The following ATP8B4 variants were observed in gnomAD, a reference collection of about 807,000 sequenced individuals.
ATP8B4 encodes the protein probable phospholipid-transporting ATPase IM.
In ATP8B4, 133 loss-of-function variants were observed where a neutral mutation model predicts 145.6. The observed-to-expected ratio is 0.91, with a 90% CI of 0.79 to 1.05. The LOEUF (loss-of-function observed/expected upper bound fraction) is 1.05, where lower values mean the gene tolerates loss of function less well. Ranked by LOEUF, ATP8B4 falls within the 50% of genes least tolerant of loss-of-function variation. The probability of loss-of-function intolerance (pLI) is 0.00; values close to 1 mark genes in which losing one functional copy is unlikely to be tolerated. For synonymous variants in ATP8B4, 507 were observed against 492.9 expected, an observed-to-expected ratio of 1.03 and a Z score of -0.38; for missense variants, 1,458 against 1,425.2, an observed-to-expected ratio of 1.02 and a Z score of -0.37.
chr15:50,087,314 TAG>T (rs1199643934), intron 2 of ATP8B4, among the ~76,000 whole-genome samples: 2 of 92,968 alleles, frequency 2.2e-5, no homozygotes, highest in African/African-American at 9.6e-5. Flanking sequence ...TTATATATAA[TAG>T]ATATAGATCT....
At chr15:50,015,669 G>C (rs2049036262) in intron 6 of ATP8B4, among the ~76,000 whole-genome samples, 1 of 152,190 alleles carries the variant, frequency 6.6e-6, no homozygotes, top group African/African-American at 2.4e-5. Flanking sequence ...GACAGCAGCA[G>C]TTTCTGGTTC....
chr15:49,997,215 A>G (rs929090695), intron 8 of ATP8B4, among the ~76,000 whole-genome samples: 2 of 152,126 alleles, frequency 1.3e-5, no homozygotes, highest in South Asian at 4.1e-4. Context: ...GAAAGGGAAT[A>G]CAGCTTTCAT....
chr15:50,116,895 TTTA>T (rs1340447583), intron 1 of ATP8B4, among the ~76,000 whole-genome samples: 6 of 152,112 alleles, frequency 3.9e-5, no homozygotes, highest in Non-Finnish European at 7.4e-5. Flanking sequence ...TTAATTAGAA[TTTA>T]TTAATATTTG....
chr15:49,878,675 A>T (rs1248301734), intron 24 of ATP8B4, among the ~76,000 whole-genome samples: 1 of 152,050 alleles, frequency 6.6e-6, no homozygotes, highest in Non-Finnish European at 1.5e-5. Flanking sequence ...CCAAGGATCT[A>T]CCATTTTTGT....
intron 26 of ATP8B4, among the ~76,000 whole-genome samples, chr15:49,865,271 T>TGGAG (rs1477255553): frequency 6.6e-6 from 1 of 152,258 alleles, no homozygotes; most frequent in East Asian, 1.9e-4. Context: ...TAGAGGTTCC[T>TGGAG]GGAGGGCAGC....
intron 14 of ATP8B4, among the ~76,000 whole-genome samples, chr15:49,947,868 G>C (rs2042716748): frequency 1.4e-5 from 2 of 145,438 alleles, no homozygotes; most frequent in Admixed American, 1.4e-4. Context: ...AGACTATACA[G>C]CAGGGAAAGG....
intron 7 of ATP8B4, among the ~76,000 whole-genome samples, chr15:50,006,082 T>C (rs956177657): frequency 1.3e-5 from 2 of 152,108 alleles, no homozygotes; most frequent in Admixed American, 6.5e-5. Flanking sequence ...TATATGGTAA[T>C]AGGTAACGTT....
intron 21 of ATP8B4, among the ~76,000 whole-genome samples, chr15:49,900,525 T>C (rs575282227): frequency 6.6e-6 from 1 of 152,348 alleles, no homozygotes; most frequent in Non-Finnish European, 1.5e-5. Flanking sequence ...ATTCAGAATC[T>C]GAACTACATT....
rs188492500 is a variant in ATP8B4, at chr15:49,944,167, C to G, written c.1288-9985G>C. Among the ~76,000 whole-genome samples the G allele has an allele frequency of 3.9e-5, 6 of 152,188 alleles. No homozygotes were observed. The East Asian group carries it at 1.2e-3, about 29-fold the overall frequency. ...AAGAGACAAAAAGACAAAAGAACTA[C>G]TATATAACAGAAAATGAGTAACAAA... On this transcript the variant is annotated intron_variant, in intron 14 of 27. Coordinates refer to ENST00000284509, the MANE Select transcript of ATP8B4 (RefSeq NM_024837.4).
intron 1 of ATP8B4, among the ~76,000 whole-genome samples, chr15:50,116,765 G>A (rs1048005250): frequency 6.6e-5 from 10 of 152,030 alleles, no homozygotes; most frequent in African/African-American, 2.2e-4. Flanking sequence ...TACAGTGCCC[G>A]GCACTGGGTA....
At chr15:50,107,102 A>G (rs1174723809) in intron 1 of ATP8B4, 94 bp from the exon 2 acceptor site, 2 of 729,726 alleles carry the variant, frequency 2.7e-6, no homozygotes, top group African/African-American at 3.7e-5. Context: ...AATCTAGGTA[A>G]TTAGGAAGTC....
chr15:49,990,599 C>G (rs2046974103), intron 9 of ATP8B4, among the ~76,000 whole-genome samples: 1 of 152,054 alleles, frequency 6.6e-6, no homozygotes, highest in South Asian at 2.1e-4. Context: ...CTTAAGCATT[C>G]TAGATTTAGT....
chr15:50,099,355 C>T (rs1472798907), intron 2 of ATP8B4, among the ~76,000 whole-genome samples: 1 of 152,156 alleles, frequency 6.6e-6, no homozygotes, highest in African/African-American at 2.4e-5. Flanking sequence ...TCAGAGCTCA[C>T]TGAAGCCTCA....
intron 1 of ATP8B4, among the ~76,000 whole-genome samples, chr15:50,159,072 C>G (rs1045437777): frequency 6.6e-6 from 1 of 152,196 alleles, no homozygotes; most frequent in African/African-American, 2.4e-5. Context: ...CCAAATCCCC[C>G]TCTGCGAGAA....
chr15:50,151,265 T>C (rs993608705), intron 1 of ATP8B4, among the ~76,000 whole-genome samples: 1 of 152,192 alleles, frequency 6.6e-6, no homozygotes, highest in Admixed American at 6.5e-5. Context: ...GTATTATAGC[T>C]TTTCTTTAGA....
chr15:50,085,963 T>G (rs12904686), intron 2 of ATP8B4, among the ~76,000 whole-genome samples: 6 of 53,758 alleles, frequency 1.1e-4, no homozygotes, highest in African/African-American at 6.7e-4. Context: ...TCATATATAT[T>G]TATATATGAT....
At position 50,113,617 on chromosome 15, in the gene ATP8B4, T is replaced by C. The variant is rs537487458; in HGVS notation, c.-43+5506A>G. Among the ~76,000 whole-genome samples the C allele has an allele frequency of 3.2e-4, 49 of 152,140 alleles. No individual in the cohort carries two copies. The East Asian group carries it at 8.5e-3, about 26-fold the overall frequency. Reference sequence around the variant, plus strand: ...ACTTTGGGAGGCCGAGGTGGGTGGATCACCTGAGGTCAGGAGTTCGAGACC... The same window carrying C: ...ACTTTGGGAGGCCGAGGTGGGTGGACCACCTGAGGTCAGGAGTTCGAGACC... On this transcript the variant is annotated intron_variant, in intron 1 of 27. Coordinates refer to ENST00000284509, the MANE Select transcript of ATP8B4 (RefSeq NM_024837.4).
intron 23 of ATP8B4, among the ~76,000 whole-genome samples, chr15:49,889,378 C>T (rs771531337): frequency 1.4e-4 from 22 of 152,148 alleles, no homozygotes; most frequent in Non-Finnish European, 2.4e-4. Flanking sequence ...TCTTTGTTCC[C>T]GCTGCTTCTC....
At chr15:49,891,633 A>G (rs2036815010) in intron 23 of ATP8B4, among the ~76,000 whole-genome samples, 1 of 152,112 alleles carries the variant, frequency 6.6e-6, no homozygotes, top group South Asian at 2.1e-4. Flanking sequence ...ACTAAATACA[A>G]TATTTGTATT....
Sources: allele counts gnomAD v4.1 joint callset (sites outside exome capture counted in the v4.1 genomes callset), GRCh38; gene constraint gnomAD v4.1.1; transcripts MANE v1.5; gene names NCBI Gene and HGNC (gene_info 2026-07-23, HGNC 2026-07-21).